Variants in GRID2 observed in about 807,000 individuals in gnomAD.
GRID2 encodes glutamate ionotropic receptor delta type subunit 2, also known as glutamate receptor ionotropic, delta-2.
A neutral mutation model predicts 114.8 loss-of-function variants in GRID2; 33 were observed. The ratio of observed to expected loss-of-function variants is 0.29; its 90% CI spans 0.22 to 0.38. The LOEUF is 0.38. Ranked by LOEUF, GRID2 falls within the 10% of genes least tolerant of loss-of-function variation. GRID2 has a pLI of 1.00. For synonymous variants in GRID2, 505 were observed against 449.9 expected, an observed-to-expected ratio of 1.12 and a Z score of -1.55; for missense variants, 1,184 against 1,257.7, an observed-to-expected ratio of 0.94 and a Z score of 0.89.
chr4:92,853,587 C>T (rs1226684636), intron 2 of GRID2, among the ~76,000 whole-genome samples: 1 of 151,768 alleles, frequency 6.6e-6, no homozygotes, highest in Admixed American at 6.6e-5. Flanking sequence ...CAGAGCCTAC[C>T]CTGACTCATA....
intron 1 of GRID2, among the ~76,000 whole-genome samples, chr4:92,360,503 C>A (rs1258824165): frequency 6.6e-6 from 1 of 151,854 alleles, no homozygotes; most frequent in Non-Finnish European, 1.5e-5. Context: ...AAAAAAAATG[C>A]GGTTCTTTTC....
chr4:93,141,171 GTGT>G (rs1735736625), intron 4 of GRID2, among the ~76,000 whole-genome samples: 1 of 151,782 alleles, frequency 6.6e-6, no homozygotes, highest in Non-Finnish European at 1.5e-5. Flanking sequence ...TATTTATTTT[GTGT>G]TATTATTTCT....
At chr4:93,537,203 A>G (rs1376824688) in intron 13 of GRID2, among the ~76,000 whole-genome samples, 1 of 151,760 alleles carries the variant, frequency 6.6e-6, no homozygotes, top group Non-Finnish European at 1.5e-5. Flanking sequence ...TAAACTTACT[A>G]ATGGCAACAT....
chr4:92,842,131 T>C (rs1022993400), intron 2 of GRID2, among the ~76,000 whole-genome samples: 1 of 152,138 alleles, frequency 6.6e-6, no homozygotes, highest in Non-Finnish European at 1.5e-5. Context: ...AAATTCATTA[T>C]AGTGATGTAG....
At chr4:93,516,781 A>G (rs1729773778) in intron 13 of GRID2, among the ~76,000 whole-genome samples, 1 of 152,120 alleles carries the variant, frequency 6.6e-6, no homozygotes, top group Non-Finnish European at 1.5e-5. Context: ...CAGAATAAGT[A>G]TACACTATGG....
chr4:92,451,331 A>G (rs1214591944), intron 1 of GRID2, among the ~76,000 whole-genome samples: 1 of 152,176 alleles, frequency 6.6e-6, no homozygotes, highest in Non-Finnish European at 1.5e-5. Flanking sequence ...TAATTTGTCT[A>G]GAATCACGCT....
chr4:92,837,071 C>T (rs1044062222), intron 2 of GRID2, among the ~76,000 whole-genome samples: 1 of 152,056 alleles, frequency 6.6e-6, no homozygotes, highest in African/African-American at 2.4e-5. Flanking sequence ...GGAAGTGCTT[C>T]AGTCGAGGAG....
chr4:93,647,964 T>C (rs1722256199), intron 14 of GRID2, among the ~76,000 whole-genome samples: 1 of 152,172 alleles, frequency 6.6e-6, no homozygotes, highest in Non-Finnish European at 1.5e-5. Flanking sequence ...GCTATTATCG[T>C]TTCATTTTAT....
At chr4:93,681,872 A>G (rs1725583836) in intron 14 of GRID2, among the ~76,000 whole-genome samples, 1 of 151,990 alleles carries the variant, frequency 6.6e-6, no homozygotes, top group Non-Finnish European at 1.5e-5. Flanking sequence ...AGGCATGGGC[A>G]AGGACTTCAT....
At chr4:93,240,495 T>TAATA (rs1747369798) in intron 8 of GRID2, among the ~76,000 whole-genome samples, 1 of 151,454 alleles carries the variant, frequency 6.6e-6, no homozygotes, top group Non-Finnish European at 1.5e-5. Context: ...TTTTAGAAGT[T>TAATA]ATGTATATAT....
chr4:92,819,829 G>T, intron 2 of GRID2, among the ~76,000 whole-genome samples: 1 of 151,908 alleles, frequency 6.6e-6, no homozygotes, highest in East Asian at 1.9e-4. Context: ...AGTTTTAATT[G>T]CAATAAGCTT....
At chr4:93,558,177 A>C (rs1046345563) in intron 13 of GRID2, among the ~76,000 whole-genome samples, 4 of 152,174 alleles carry the variant, frequency 2.6e-5, no homozygotes, top group African/African-American at 9.7e-5. Flanking sequence ...AATTAAAAGA[A>C]CTAGAGAGGC....
intron 10 of GRID2, among the ~76,000 whole-genome samples, chr4:93,448,285 T>G (rs1475082307): frequency 1.3e-5 from 2 of 151,804 alleles, no homozygotes. Context: ...TTTTAAATAT[T>G]GAGGTTAAAA....
intron 13 of GRID2, among the ~76,000 whole-genome samples, chr4:93,519,931 C>A (rs965689850): frequency 6.6e-6 from 1 of 152,082 alleles, no homozygotes; most frequent in South Asian, 2.1e-4. Context: ...AGGGCTGCAA[C>A]CAAGCCACTG....
intron 2 of GRID2, among the ~76,000 whole-genome samples, chr4:92,604,964 T>TAGTG (rs77075813): frequency 0.06 from 9,124 of 152,130 alleles, 302 homozygotes; most frequent in East Asian, 0.12. Context: ...GTTCTCCTGA[T>TAGTG]AGTGAGTTCT....
At chr4:92,324,133 G>A (rs1223034606) in intron 1 of GRID2, among the ~76,000 whole-genome samples, 1 of 151,886 alleles carries the variant, frequency 6.6e-6, no homozygotes, top group Non-Finnish European at 1.5e-5. Context: ...CCAGTGTTTG[G>A]AGAACTATTC....
intron 5 of GRID2, among the ~76,000 whole-genome samples, chr4:93,214,742 G>A (rs1330811909): frequency 6.6e-6 from 1 of 151,918 alleles, no homozygotes; most frequent in Non-Finnish European, 1.5e-5. Flanking sequence ...TTCCCTTTTT[G>A]TGGGTTTGAA....
chr4:93,310,504 C>T (rs2149186314), intron 8 of GRID2, among the ~76,000 whole-genome samples: 1 of 152,078 alleles, frequency 6.6e-6, no homozygotes, highest in African/African-American at 2.4e-5. Flanking sequence ...GCACTCCAGC[C>T]TGGGCGCAGA....
rs987142227 is a variant in GRID2 at position 92,952,837 on chromosome 4, G to C, written c.245-132158G>C. On this transcript the variant is annotated intron_variant, in intron 2 of 15. Coordinates refer to ENST00000282020, the MANE Select transcript of GRID2 (RefSeq NM_001510.4). The stretch of plus-strand genomic sequence containing the variant: ...CTGCCATAACACAATATCACAAATG[G>C]AGTGGCTTAAAACAACAAAAATGTA... Among the ~76,000 whole-genome samples, 5 of 152,266 alleles carry C rather than the reference G, an allele frequency of 3.3e-5. No individual in the cohort carries two copies. The East Asian group carries it at 9.6e-4, about 29-fold the overall frequency.
Sources: allele counts gnomAD v4.1 joint callset (sites outside exome capture counted in the v4.1 genomes callset), GRCh38; gene constraint gnomAD v4.1.1; transcripts MANE v1.5; gene names NCBI Gene and HGNC (gene_info 2026-07-23, HGNC 2026-07-21).